LAMA2: variants seen among roughly 807,000 people sequenced by gnomAD.
The protein encoded by LAMA2 is laminin subunit alpha 2.
LAMA2 carries 269 observed loss-of-function variants against 364.8 expected under a neutral mutation model. The ratio of observed to expected loss-of-function variants is 0.74; its 90% confidence interval spans 0.67 to 0.82. LAMA2 has a LOEUF of 0.82. Among genes scored for constraint, LAMA2 ranks in the 40% least tolerant of loss-of-function variants. LAMA2 has a pLI of 0.00. For missense variants in LAMA2, 3,807 were observed against 3,873.2 expected (o/e 0.98, Z 0.45); for synonymous variants, 1,379 against 1,370.6 (o/e 1.01, Z -0.14).
chr6:128,900,870 G>A (rs147749786), intron 1 of LAMA2, among the ~76,000 whole-genome samples: 1 of 152,318 alleles, frequency 6.6e-6, no homozygotes, highest in African/African-American at 2.4e-5. Flanking sequence ...ACACCCTCCT[G>A]TCTAGGCATG....
chr6:128,946,370 T>C (rs1263736009), intron 1 of LAMA2, among the ~76,000 whole-genome samples: 1 of 152,154 alleles, frequency 6.6e-6, no homozygotes, highest in East Asian at 1.9e-4. Flanking sequence ...GGCAACACAG[T>C]ACACTGTGGA....
At chr6:129,238,407 T>G (rs1255354233) in intron 12 of LAMA2, among the ~76,000 whole-genome samples, 3 of 152,204 alleles carry the variant, frequency 2.0e-5, no homozygotes, top group Non-Finnish European at 4.4e-5. Context: ...CATGCCCTTT[T>G]AGACATAACA....
At chr6:128,886,527 G>A (rs1225515342) in intron 1 of LAMA2, among the ~76,000 whole-genome samples, 2 of 152,172 alleles carry the variant, frequency 1.3e-5, no homozygotes, top group Non-Finnish European at 2.9e-5. Context: ...ACAAATGGGT[G>A]TAGATGCAGA....
chr6:129,271,337 T>C (rs1160508334), intron 17 of LAMA2, among the ~76,000 whole-genome samples: 3 of 152,118 alleles, frequency 2.0e-5, no homozygotes, highest in Non-Finnish European at 4.4e-5. Context: ...GACTTCCTCA[T>C]TTCCTTACCT....
Position 129,391,493 on chromosome 6 carries a change from G to C in LAMA2, c.5074G>C (p.Val1692Leu), listed in dbSNP as rs567613582. The change falls in exon 36 of 65, where the codon GTA becomes CTA. Residue 1692 changes from valine to leucine, a missense_variant and splice_region_variant. Around this residue, in one of 3 missense-constraint regions of LAMA2, gnomAD observed 3,333 missense variants for 3,345.7 expected, o/e 1.00. Coordinates refer to ENST00000421865, the MANE Select transcript of LAMA2 (RefSeq NM_000426.4). ...IKELARDAEA[V>L]NEKAIKLNET... is the part of the protein sequence containing the mutation. ...AAAATTTGTTTTACCCCCTGCAGCT[G>C]TAAATGAAAAAGCTATAAAACTAAA... is the stretch of plus-strand genomic sequence containing the variant. 2.1e-4 allele frequency: 341 copies of C among 1,613,386 alleles called. 7 individuals are homozygous for C. The South Asian group carries it at 3.6e-3, about 17-fold the overall frequency.
chr6:129,449,168 CA>C (rs1472863872), intron 45 of LAMA2, among the ~76,000 whole-genome samples: 3 of 152,044 alleles, frequency 2.0e-5, no homozygotes, highest in Non-Finnish European at 4.4e-5. Flanking sequence ...GCAGGTAATC[CA>C]AGAGTATTTT....
At position 129,403,843 on chromosome 6, in the gene LAMA2, A is replaced by C; in HGVS notation, c.5749A>C (p.Ile1917Leu). The C allele has an allele frequency of 1.2e-6, 2 of 1,613,746 alleles. No homozygotes were observed. Among genetic ancestry groups the C allele is most frequent in the South Asian group, 2.2e-5 (2 of 91,074 alleles). Residue 1917 changes from isoleucine (I) to leucine (L), a missense_variant, in exon 40 of 65, where the codon ATC becomes CTC. By Grantham distance (5) the Ile-to-Leu change is conservative. Transcript: ENST00000421865. ...LDGILDEAKN[I>L]SFNATAAFKA... The stretch of plus-strand genomic sequence containing the variant: ...CAGAATCCTTGATGAGGCTAAAAAC[A>C]TCTCCTTCAATGCCACTGCAGCCTT...
Position 129,393,275 on chromosome 6 carries a change from T to A in LAMA2, c.5445+20T>A. On this transcript the variant is annotated intron_variant, in intron 37 of 64. Coordinates refer to ENST00000421865, the MANE Select transcript of LAMA2 (RefSeq NM_000426.4). The stretch of plus-strand genomic sequence containing the variant: ...TTGGAGGTGAGTCTTAGGGGCACTT[T>A]TATCTTAATCTCAGAAGGTTGGGGA... 1 of 1,581,890 alleles carries A rather than the reference T, an allele frequency of 6.3e-7. No individual in the cohort carries two copies.
At chr6:129,206,090 A>AGGGAGGG (rs1562330896) in intron 12 of LAMA2, among the ~76,000 whole-genome samples, 2 of 111,934 alleles carry the variant, frequency 1.8e-5, no homozygotes, top group Non-Finnish European at 3.6e-5. Context: ...AGGAGGAAGG[A>AGGGAGGG]AGGGAGGGAG....
chr6:129,113,651 A>T (rs1269955443), intron 4 of LAMA2, among the ~76,000 whole-genome samples: 2 of 152,082 alleles, frequency 1.3e-5, no homozygotes, highest in Non-Finnish European at 2.9e-5. Flanking sequence ...AGAGCCTGTA[A>T]CATAGACAGA....
chr6:129,154,701 T>C lies in LAMA2; in HGVS notation c.1206+18T>C. 1 of 1,605,398 alleles carries C rather than the reference T, an allele frequency of 6.2e-7. No homozygotes were observed. Among genetic ancestry groups the C allele is most frequent in the Non-Finnish European group, 8.5e-7 (1 of 1,172,588 alleles). On this transcript the variant is annotated intron_variant, in intron 8 of 64. Transcript: ENST00000421865. ...CCAAAGGGGTAAAGTATGCTTTTTC[T>C]TTCATAAAGAGTTATTTTTTTGCTT...
At chr6:129,278,238 A>G (rs1220951841) in intron 17 of LAMA2, among the ~76,000 whole-genome samples, 1 of 152,190 alleles carries the variant, frequency 6.6e-6, no homozygotes, top group Non-Finnish European at 1.5e-5. Context: ...AAAATGTCAG[A>G]AGCCTTGTCA....
At position 129,106,636 on chromosome 6, in the gene LAMA2, G is replaced by A. The variant is rs112455768; in HGVS notation, c.639+8221G>A. Among the ~76,000 whole-genome samples, 7 of 152,080 alleles carry A rather than the reference G, an allele frequency of 4.6e-5. 1 individual carries two copies. The highest frequency in any genetic ancestry group is 1.7e-4 in the African/African-American group (7 of 41,484). ...TATTAAAGTACCTCCTTACAGTGAGGTTTATATGGAGTCCTCTAAAAAATG... is the reference window on the plus strand; with the variant it reads ...TATTAAAGTACCTCCTTACAGTGAGATTTATATGGAGTCCTCTAAAAAATG... On this transcript the variant is annotated intron_variant, in intron 4 of 64. Transcript: ENST00000421865.
chr6:129,434,370 C>T (rs561714998), intron 41 of LAMA2, among the ~76,000 whole-genome samples: 1 of 152,196 alleles, frequency 6.6e-6, no homozygotes, highest in Non-Finnish European at 1.5e-5. Context: ...TTCTTCTACT[C>T]TATGAGGAGG....
intron 12 of LAMA2, among the ~76,000 whole-genome samples, chr6:129,240,659 C>T (rs777032646): frequency 6.6e-6 from 1 of 152,200 alleles, no homozygotes; most frequent in Non-Finnish European, 1.5e-5. Flanking sequence ...CTCTGACTAG[C>T]TATGACTGCT....
At chr6:128,957,319 C>T (rs1781212982) in intron 1 of LAMA2, among the ~76,000 whole-genome samples, 1 of 152,120 alleles carries the variant, frequency 6.6e-6, no homozygotes, top group Non-Finnish European at 1.5e-5. Context: ...CTCCTCTTGT[C>T]TTCAATATAC....
At chr6:129,382,967 G>A (rs1778778071) in intron 34 of LAMA2, among the ~76,000 whole-genome samples, 155 bp from the exon 35 acceptor site, 1 of 152,192 alleles carries the variant, frequency 6.6e-6, no homozygotes, top group African/African-American at 2.4e-5. Flanking sequence ...GTATACGTGA[G>A]CATGGGGCAT....
At position 129,481,430 on chromosome 6, in the gene LAMA2, G is replaced by A. The variant is rs1275101391; in HGVS notation, c.7740G>A (p.Gln2580=). 3 of 1,613,138 alleles carry A rather than the reference G, an allele frequency of 1.9e-6. No homozygotes were observed. The Admixed American group carries it at 5.0e-5, about 27-fold the overall frequency. Residue 2580 remains glutamine (Q), a synonymous_variant, in exon 55 of 65, where the codon CAG becomes CAA. Coordinates refer to ENST00000421865, the MANE Select transcript of LAMA2 (RefSeq NM_000426.4). ...CACCACCTAGGAGAAAACGAAGGCAGACTGGACAGGTACCCTCACACCTAG... is the reference window on the plus strand; with the variant it reads ...CACCACCTAGGAGAAAACGAAGGCAAACTGGACAGGTACCCTCACACCTAG... ...TPAPPRRKRR[Q]TGQAYYAILL...
chr6:129,246,122 T>A (rs1289134828), intron 12 of LAMA2, among the ~76,000 whole-genome samples: 1 of 152,180 alleles, frequency 6.6e-6, no homozygotes, highest in African/African-American at 2.4e-5. Flanking sequence ...CCAGAATCAC[T>A]TACTGATGGG....
Sources: gnomAD v4.1 joint callset for allele counts (sites outside exome capture counted in the v4.1 genomes callset) on GRCh38, gnomAD v4.1.1 for gene constraint, gnomAD v4.1.1 regional missense constraint, MANE v1.5 for transcripts, NCBI Gene and HGNC (gene_info 2026-07-23, HGNC 2026-07-21) for gene names.